Variants in CTNND2 observed in about 807,000 individuals in gnomAD.
CTNND2 encodes the protein catenin delta-2.
In CTNND2, 22 loss-of-function variants were observed where a neutral mutation model predicts 144.4. The observed-to-expected ratio is 0.15, with a 90% CI of 0.11 to 0.22. CTNND2 has a LOEUF of 0.22. Ranked by LOEUF, CTNND2 falls within the 10% of genes least tolerant of loss-of-function variation. CTNND2 has a pLI of 1.00. For synonymous variants in CTNND2, 751 were observed against 695.6 expected (o/e 1.08, Z -1.25); for missense variants, 1,353 against 1,618.8 (o/e 0.84, Z 2.82).
At chr5:10,981,583 T>C (rs1279007676) in intron 21 of CTNND2, among the ~76,000 whole-genome samples, 190 bp downstream of exon 21, 1 of 137,738 alleles carries the variant, frequency 7.3e-6, no homozygotes, top group Admixed American at 7.0e-5. Flanking sequence ...TTCTGCCGAG[T>C]CCAACACACA....
chr5:11,128,965 A>ATTATATATAATATATAAATATATATT (rs1561351061), intron 12 of CTNND2, among the ~76,000 whole-genome samples: 2 of 28,414 alleles, frequency 7.0e-5, no homozygotes. Context: ...AAATATATAT[A>ATTATATATAATATATAAATATATATT]ATATATAATA....
chr5:11,323,807 G>A (rs1752279402), intron 9 of CTNND2, among the ~76,000 whole-genome samples: 1 of 152,162 alleles, frequency 6.6e-6, no homozygotes, highest in Non-Finnish European at 1.5e-5. Flanking sequence ...TGGCATTGGG[G>A]ACATAAAGCT....
At chr5:11,895,320 C>G (rs972144202) in intron 1 of CTNND2, among the ~76,000 whole-genome samples, 1 of 152,176 alleles carries the variant, frequency 6.6e-6, no homozygotes, top group Non-Finnish European at 1.5e-5. Flanking sequence ...GCAGTAGAAA[C>G]AGCTAATGTG....
At chr5:11,767,098 G>A (rs992326402) in intron 1 of CTNND2, among the ~76,000 whole-genome samples, 4 of 152,226 alleles carry the variant, frequency 2.6e-5, no homozygotes, top group South Asian at 2.1e-4. Context: ...TCATCTGGGA[G>A]CTCATTAAAA....
intron 11 of CTNND2, among the ~76,000 whole-genome samples, chr5:11,172,419 T>A (rs1372331940): frequency 2.6e-5 from 4 of 152,262 alleles, no homozygotes; most frequent in Non-Finnish European, 4.4e-5. Context: ...ATTTATTTGT[T>A]CATTTGTCTC....
At chr5:11,496,412 T>C (rs1229585231) in intron 3 of CTNND2, among the ~76,000 whole-genome samples, 1 of 152,208 alleles carries the variant, frequency 6.6e-6, no homozygotes, top group East Asian at 1.9e-4. Flanking sequence ...CAATGTTTTA[T>C]TGTAAGATTT....
At chr5:11,021,315 CAAG>C (rs1248627731) in intron 17 of CTNND2, among the ~76,000 whole-genome samples, 6 of 152,098 alleles carry the variant, frequency 3.9e-5, no homozygotes, top group Admixed American at 1.3e-4. Flanking sequence ...TGAATATAGA[CAAG>C]AATATATCAG....
Position 11,379,330 on chromosome 5 carries a change from C to A in CTNND2, c.1177+5335G>T, listed in dbSNP as rs138841165. On this transcript the variant is annotated intron_variant, in intron 7 of 21. Transcript: ENST00000304623. ...TCTCCACTGACACAAAAATATACTA[C>A]CTCTAACTATGCATCACGTACATTT... Among the ~76,000 whole-genome samples the A allele has an allele frequency of 2.3e-3, 350 of 152,212 alleles. 1 individual carries two copies. Among genetic ancestry groups the A allele is most frequent in the African/African-American group, 7.9e-3 (330 of 41,536 alleles).
intron 3 of CTNND2, among the ~76,000 whole-genome samples, chr5:11,442,040 C>CT (rs1170664022): frequency 6.6e-6 from 1 of 151,972 alleles, no homozygotes; most frequent in Non-Finnish European, 1.5e-5. Context: ...CTTCCTAACA[C>CT]TTTTTAAAAA....
chr5:11,094,918 T>TA (rs1337770376), intron 15 of CTNND2, among the ~76,000 whole-genome samples: 1 of 152,242 alleles, frequency 6.6e-6, no homozygotes, highest in African/African-American at 2.4e-5. Context: ...TCTACTCGCT[T>TA]AGCAGTAGAG....
At chr5:11,175,854 T>C (rs941577472) in intron 11 of CTNND2, among the ~76,000 whole-genome samples, 5 of 152,118 alleles carry the variant, frequency 3.3e-5, no homozygotes, top group Non-Finnish European at 7.4e-5. Context: ...TGTCACCCAA[T>C]AGTGTGTGTT....
At chr5:11,660,530 T>C (rs1423007691) in intron 2 of CTNND2, among the ~76,000 whole-genome samples, 3 of 151,832 alleles carry the variant, frequency 2.0e-5, no homozygotes, top group African/African-American at 7.3e-5. Context: ...GCCTCTGGAG[T>C]AGGCTCAGTT....
At chr5:11,651,003 C>T (rs1782618656) in intron 2 of CTNND2, among the ~76,000 whole-genome samples, 1 of 152,172 alleles carries the variant, frequency 6.6e-6, no homozygotes, top group African/African-American at 2.4e-5. Context: ...CAGAAATTTG[C>T]ATAAGTAAAG....
At chr5:11,544,002 A>G (rs1774989464) in intron 3 of CTNND2, among the ~76,000 whole-genome samples, 1 of 152,244 alleles carries the variant, frequency 6.6e-6, no homozygotes, top group Admixed American at 6.5e-5. Flanking sequence ...TGCCTCAGTG[A>G]GCAGGCTGTC....
intron 6 of CTNND2, among the ~76,000 whole-genome samples, chr5:11,388,281 C>A (rs1211217346): frequency 6.6e-6 from 1 of 152,214 alleles, no homozygotes; most frequent in Admixed American, 6.5e-5. Flanking sequence ...CTCAGGAGCA[C>A]CAGCTACACT....
intron 9 of CTNND2, among the ~76,000 whole-genome samples, chr5:11,248,340 C>CATATATAT (rs70947249): frequency 6.7e-6 from 1 of 149,036 alleles, no homozygotes; most frequent in African/African-American, 2.5e-5. Context: ...ATTATACATA[C>CATATATAT]ATATATATAT....
At chr5:11,130,204 C>T (rs937530682) in intron 12 of CTNND2, among the ~76,000 whole-genome samples, 4 of 152,024 alleles carry the variant, frequency 2.6e-5, no homozygotes, top group South Asian at 2.1e-4. Context: ...TGGGGCTGGC[C>T]GCGAACACCA....
intron 10 of CTNND2, among the ~76,000 whole-genome samples, chr5:11,222,775 C>T (rs1281488026): frequency 6.6e-6 from 1 of 152,154 alleles, no homozygotes; most frequent in African/African-American, 2.4e-5. Flanking sequence ...CACTGCACTC[C>T]AGCCTGGGAG....
chr5:11,221,803 C>T (rs564648751), intron 10 of CTNND2, among the ~76,000 whole-genome samples: 6 of 152,108 alleles, frequency 3.9e-5, no homozygotes, highest in Non-Finnish European at 7.4e-5. Context: ...AAGGCCTGAG[C>T]GTGCTGAGTC....
Sources: allele counts gnomAD v4.1 joint callset (sites outside exome capture counted in the v4.1 genomes callset), GRCh38; gene constraint gnomAD v4.1.1; transcripts MANE v1.5; gene names NCBI Gene and HGNC (gene_info 2026-07-23, HGNC 2026-07-21).